The following KIAA1217 variants were observed in gnomAD, a reference collection of about 807,000 sequenced individuals.
The protein encoded by KIAA1217 is sickle tail protein homolog.
KIAA1217 carries 88 observed loss-of-function variants against 163.9 expected under a neutral mutation model. That is an observed-to-expected ratio of 0.54 (90% CI 0.45 to 0.64). KIAA1217 has a LOEUF of 0.64. Ranked by LOEUF, KIAA1217 falls within the 30% of genes least tolerant of loss-of-function variation. KIAA1217 has a pLI of 0.00. For synonymous variants in KIAA1217, 903 were observed against 923.1 expected (o/e 0.98, Z 0.39); for missense variants, 2,372 against 2,475.0 (o/e 0.96, Z 0.88).
At chr10:23,970,640 G>A (rs983816652) in intron 1 of KIAA1217, among the ~76,000 whole-genome samples, 6 of 152,196 alleles carry the variant, frequency 3.9e-5, no homozygotes, top group African/African-American at 1.2e-4. Flanking sequence ...AATCTTAAAT[G>A]TTCTTTCCAC....
chr10:23,890,063 T>C (rs1304717349), intron 1 of KIAA1217, among the ~76,000 whole-genome samples: 2 of 151,776 alleles, frequency 1.3e-5, no homozygotes, highest in African/African-American at 4.8e-5. Context: ...TTGGTAAAAT[T>C]CACCAGTGGA....
At chr10:23,884,281 C>T (rs561299234) in intron 1 of KIAA1217, among the ~76,000 whole-genome samples, 12 of 151,976 alleles carry the variant, frequency 7.9e-5, no homozygotes, top group Admixed American at 1.3e-4. Context: ...TGGTGTTGTC[C>T]GTGATTTGGA....
chr10:23,745,597 G>A (rs2130820411), intron 1 of KIAA1217, among the ~76,000 whole-genome samples: 1 of 152,282 alleles, frequency 6.6e-6, no homozygotes, highest in South Asian at 2.1e-4. Context: ...AGTTTTAGCT[G>A]TATATATATT....
At chr10:24,403,578 G>A (rs1183884103) in intron 3 of KIAA1217, among the ~76,000 whole-genome samples, 3 of 152,184 alleles carry the variant, frequency 2.0e-5, no homozygotes, top group African/African-American at 7.2e-5. Flanking sequence ...GCTACAGACT[G>A]AGAGGAAATA....
Position 24,543,123 on chromosome 10 carries a change from A to T in KIAA1217, c.3853A>T (p.Lys1285Ter). 1.2e-6 allele frequency: 2 copies of T among 1,613,662 alleles called. No individual in the cohort carries two copies. The highest frequency in any genetic ancestry group is 1.7e-6 in the Non-Finnish European group (2 of 1,180,016). ...AGAAGATGAAATAAACAAAGGGTCT[A>T]AAATCTCAGGCCTGCAATACTCTAT... ...PLEDEINKGS[K>*]ISGLQYSIPD... Residue 1285 changes from lysine to a stop codon, truncating the protein, a stop_gained, in exon 19 of 21, where the codon AAA becomes TAA. Coordinates refer to ENST00000376454, the MANE Select transcript of KIAA1217 (RefSeq NM_019590.5). LOFTEE classifies it high-confidence loss of function.
intron 1 of KIAA1217, among the ~76,000 whole-genome samples, chr10:23,965,151 A>G (rs1006725653): frequency 2.0e-5 from 3 of 152,234 alleles, no homozygotes; most frequent in African/African-American, 7.2e-5. Flanking sequence ...GAATTAGCAA[A>G]AATAAAAATA....
intron 2 of KIAA1217, among the ~76,000 whole-genome samples, chr10:24,121,382 G>A (rs945883118): frequency 6.6e-6 from 1 of 152,172 alleles, no homozygotes. Flanking sequence ...TTCAGTTTCT[G>A]CAGGGTTATG....
intron 1 of KIAA1217, among the ~76,000 whole-genome samples, chr10:23,724,526 A>T (rs1838032363): frequency 2.6e-5 from 4 of 152,166 alleles, no homozygotes; most frequent in Admixed American, 6.6e-5. Context: ...AGGTATTTTT[A>T]CAATGGTGTT....
At chr10:24,408,733 A>G (rs1301394819) in intron 3 of KIAA1217, among the ~76,000 whole-genome samples, 1 of 152,124 alleles carries the variant, frequency 6.6e-6, no homozygotes, top group East Asian at 1.9e-4. Context: ...TCCCTCATCA[A>G]TCTTTATTCA....
chr10:24,443,748 A>G (rs1271126894), intron 5 of KIAA1217, among the ~76,000 whole-genome samples: 1 of 152,190 alleles, frequency 6.6e-6, no homozygotes, highest in African/African-American at 2.4e-5. Flanking sequence ...ATAGCTGGTA[A>G]TTCTGTTAGG....
chr10:24,075,643 G>A (rs2061345609), intron 2 of KIAA1217, among the ~76,000 whole-genome samples: 1 of 134,382 alleles, frequency 7.4e-6, no homozygotes, highest in African/African-American at 2.9e-5. Flanking sequence ...TTGCTCTGTT[G>A]CCCAGGCTGG....
At chr10:24,378,694 C>T (rs1179919411) in intron 2 of KIAA1217, among the ~76,000 whole-genome samples, 1 of 151,910 alleles carries the variant, frequency 6.6e-6, no homozygotes, top group East Asian at 1.9e-4. Context: ...CAGCAATTTC[C>T]ATTGTCTTTT....
chr10:23,892,825 T>A (rs930906222), intron 1 of KIAA1217, among the ~76,000 whole-genome samples: 3 of 151,902 alleles, frequency 2.0e-5, no homozygotes, highest in African/African-American at 7.2e-5. Context: ...CAGCTTAAAA[T>A]AAGTAATGCC....
chr10:24,048,322 A>G (rs1305199511), intron 2 of KIAA1217, among the ~76,000 whole-genome samples: 1 of 152,276 alleles, frequency 6.6e-6, no homozygotes, highest in Admixed American at 6.5e-5. Context: ...AATTTGCTTA[A>G]GAATATTTAA....
At chr10:23,878,449 A>ATT (rs964902195) in intron 1 of KIAA1217, among the ~76,000 whole-genome samples, 1 of 151,880 alleles carries the variant, frequency 6.6e-6, no homozygotes, top group Non-Finnish European at 1.5e-5. Context: ...TTCAGTAAAT[A>ATT]TTTACTGAGC....
intron 6 of KIAA1217, among the ~76,000 whole-genome samples, chr10:24,475,755 G>A (rs1316620066): frequency 6.6e-6 from 1 of 152,166 alleles, no homozygotes; most frequent in African/African-American, 2.4e-5. Flanking sequence ...TGGTTCATGG[G>A]AACAGACCAA....
rs543191081 is a variant in KIAA1217 at position 24,469,781 on chromosome 10, T to A, written c.847-3447T>A. ...TGCATGCCACCATGCCCAGCTAATT[T>A]TTGTATTATTAGTAGAGAGGGGGTT... is the stretch of plus-strand genomic sequence containing the variant. On this transcript the variant is annotated intron_variant, in intron 5 of 20. Transcript: ENST00000376454. 3.3e-5 allele frequency among the ~76,000 whole-genome samples: 5 copies of A among 152,068 alleles called. No individual in the cohort carries two copies. In the South Asian group the frequency reaches 1.0e-3, roughly 32 times the overall value.
At chr10:24,152,860 G>C (rs2064685372) in intron 2 of KIAA1217, among the ~76,000 whole-genome samples, 2 of 152,080 alleles carry the variant, frequency 1.3e-5, no homozygotes, top group Admixed American at 6.6e-5. Context: ...TCCTAGATAT[G>C]GTGGAATGCT....
intron 2 of KIAA1217, among the ~76,000 whole-genome samples, chr10:24,292,004 G>A (rs1013270061): frequency 3.3e-5 from 5 of 152,222 alleles, no homozygotes; most frequent in African/African-American, 1.2e-4. Flanking sequence ...GAGGATTTTT[G>A]TTTAGTGGAT....
Sources: allele counts gnomAD v4.1 joint callset (sites outside exome capture counted in the v4.1 genomes callset), GRCh38; gene constraint gnomAD v4.1.1; transcripts MANE v1.5; gene names NCBI Gene and HGNC (gene_info 2026-07-23, HGNC 2026-07-21).